Variants in SP7 observed in about 807,000 individuals in gnomAD.
SP7 encodes transcription factor Sp7.
A neutral mutation model predicts 27.9 loss-of-function variants in SP7; 13 were observed. The ratio of observed to expected loss-of-function variants is 0.47; its 90% CI spans 0.30 to 0.74. SP7 has a LOEUF of 0.74. SP7 is among the 30% of genes least tolerant of loss of function. The pLI, the probability that SP7 is intolerant of heterozygous loss-of-function variation, is 0.06. For synonymous variants in SP7, 219 were observed against 226.7 expected (o/e 0.97, Z 0.31); for missense variants, 525 against 558.0 (o/e 0.94, Z 0.60).
intron 2 of SP7, among the ~76,000 whole-genome samples, chr12:53,334,312 G>A (rs1296248786): frequency 1.4e-5 from 2 of 147,098 alleles, no homozygotes; most frequent in Admixed American, 6.9e-5. Context: ...TGGACTCACA[G>A]CACTCAGATG....
At position 53,328,987 on chromosome 12, in the gene SP7, C is replaced by A. The variant is rs978781196; in HGVS notation, c.455G>T (p.Gly152Val). The A allele has an allele frequency of 1.2e-6, 2 of 1,613,128 alleles. No individual in the cohort carries two copies. Among genetic ancestry groups the A allele is most frequent in the Non-Finnish European group, 1.7e-6 (2 of 1,179,482 alleles). Reference sequence around the variant, plus strand: ...ATCCCACCATGGAGTAGGAGTGTTGCCTGGGCCTGGTGAAATGCCTGCATG... The same window carrying A: ...ATCCCACCATGGAGTAGGAGTGTTGACTGGGCCTGGTGAAATGCCTGCATG... ...GIHAGISPGPGNTPTPWWDMH... is the reference protein window; with the variant it reads ...GIHAGISPGPVNTPTPWWDMH... The change falls in exon 3 of 3, where the codon GGC (glycine) becomes GTC (valine). Residue 152 changes from glycine (G) to valine (V), a missense_variant. Transcript: ENST00000536324. This position sits in a 1 kb window ranked among gnomAD's most constrained non-coding sequence, Gnocchi z 5.1.
rs772101518 is a variant in SP7, at chr12:53,328,276, T to C, written c.1166A>G (p.Lys389Arg). 5.4e-5 allele frequency: 87 copies of C among 1,611,254 alleles called. No homozygotes were observed. The highest frequency in any genetic ancestry group is 1.3e-4 in the Admixed American group (8 of 59,776). The change falls in exon 3 of 3, where the codon AAG (lysine) becomes AGG (arginine). Residue 389 changes from lysine to arginine, a missense_variant. Transcript: ENST00000536324. This position sits in a 1 kb window ranked among gnomAD's most constrained non-coding sequence, Gnocchi z 5.1. ...CGTGCTGCGGCCCTCCCCCAGCTCCTTGGGGCCACTGGGAGGGGGACCCGG... is the reference window on the plus strand; with the variant it reads ...CGTGCTGCGGCCCTCCCCCAGCTCCCTGGGGCCACTGGGAGGGGGACCCGG... The part of the protein sequence containing the change: ...PGPGPPPSGP[K>R]ELGEGRSTGE...
At chr12:53,339,511 A>C (rs1944803733), upstream of SP7, among the ~76,000 whole-genome samples, 1 of 151,448 alleles carries the variant, frequency 6.6e-6, no homozygotes, top group Admixed American at 6.6e-5. Context: ...GGATCACCTG[A>C]GGTCAGGAGT....
chr12:53,338,382 C>CA (rs1214755627), upstream of SP7, among the ~76,000 whole-genome samples: 1 of 152,068 alleles, frequency 6.6e-6, no homozygotes, highest in East Asian at 1.9e-4. Context: ...CCTGTATCAC[C>CA]AGCAGAAAAG....
chr12:53,339,189 C>T (rs1218751520), upstream of SP7, among the ~76,000 whole-genome samples: 3 of 152,184 alleles, frequency 2.0e-5, no homozygotes, highest in African/African-American at 7.2e-5. Flanking sequence ...CCGCCCATGG[C>T]CACCCAGACG....
chr12:53,330,205 C>T (rs1944688440), intron 2 of SP7, among the ~76,000 whole-genome samples: 1 of 152,130 alleles, frequency 6.6e-6, no homozygotes, highest in Non-Finnish European at 1.5e-5. Context: ...CACGCCACCA[C>T]ATTGAGCTAT....
rs1565790196 is a variant in SP7, at chr12:53,328,874, G to C, written c.568C>G (p.Pro190Ala). Residue 190 changes from proline (P) to alanine (A), a missense_variant, in exon 3 of 3, where the codon CCA (proline) becomes GCA (alanine). Physicochemically the swap from Pro to Ala is conservative, Grantham distance 27 (BLOSUM62 -1). Coordinates refer to ENST00000536324, the MANE Select transcript of SP7 (RefSeq NM_001173467.3). The surrounding 1 kb of genome is among the most constrained non-coding windows in gnomAD (Gnocchi z 5.1). ...GTLPTGPAQPPLNPQLPTYPS... is the reference protein window; with the variant it reads ...GTLPTGPAQPALNPQLPTYPS... ...TAGGTGGGCAGCTGGGGGTTCAGTGGAGGCTGAGCTGGACCTGTGGGCAGT... is the reference window on the plus strand; with the variant it reads ...TAGGTGGGCAGCTGGGGGTTCAGTGCAGGCTGAGCTGGACCTGTGGGCAGT... 1.2e-6 allele frequency: 2 copies of C among 1,607,814 alleles called. No homozygotes were observed. Among genetic ancestry groups the C allele is most frequent in the Admixed American group, 1.7e-5 (1 of 59,840 alleles).
At chr12:53,341,465 G>A (rs1944821987) in intron 1 of SP7, among the ~76,000 whole-genome samples, 1 of 152,166 alleles carries the variant, frequency 6.6e-6, no homozygotes, top group Admixed American at 6.5e-5. Flanking sequence ...TCTAAAATGG[G>A]ACAACATTGA....
chr12:53,332,212 G>C (rs1944713515), intron 2 of SP7, among the ~76,000 whole-genome samples: 1 of 152,122 alleles, frequency 6.6e-6, no homozygotes, highest in African/African-American at 2.4e-5. Context: ...CCAGAGATAT[G>C]GGGCACAAAG....
At chr12:53,330,237 C>T (rs560009916) in intron 2 of SP7, among the ~76,000 whole-genome samples, 6 of 152,032 alleles carry the variant, frequency 3.9e-5, no homozygotes, top group Non-Finnish European at 8.8e-5. Flanking sequence ...AGTACAGACG[C>T]AGTTTCACCA....
rs1944845358 is a variant in SP7 at position 53,344,344 on chromosome 12, C to T, written c.-34+770G>A. On this transcript the variant is annotated intron_variant, in intron 1 of 1. Coordinates refer to the SP7 transcript ENST00000547755. The surrounding 1 kb of genome is among the most constrained non-coding windows in gnomAD (Gnocchi z 4.6). ...AGAACCCCCGCCTCTGCCCTCTGCC[C>T]CAATCCCTCCTGAACTATTTCCTTT... 6.6e-6 allele frequency among the ~76,000 whole-genome samples: 1 copy of T among 152,064 alleles called. No individual in the cohort carries two copies. Among genetic ancestry groups the T allele is most frequent in the African/African-American group, 2.4e-5 (1 of 41,400 alleles).
intron 2 of SP7, among the ~76,000 whole-genome samples, chr12:53,333,507 C>T (rs1035429918): frequency 6.6e-6 from 1 of 152,160 alleles, no homozygotes; most frequent in Non-Finnish European, 1.5e-5. Context: ...GGCCTCCCAG[C>T]GGAAGTGCTC....
intron 2 of SP7, among the ~76,000 whole-genome samples, chr12:53,329,747 T>C (rs1213822651): frequency 1.3e-5 from 2 of 152,000 alleles, no homozygotes; most frequent in Non-Finnish European, 2.9e-5. Flanking sequence ...TTCTTTTTTT[T>C]TGAGATGGAG....
chr12:53,328,433 G>C lies in SP7; in HGVS notation c.1009C>G (p.Arg337Gly). ...ACATGACGCTCCAGCTCATCCGAACGAGTGAACCTCTTGCCGCAGAAGAGC... is the reference window on the plus strand; with the variant it reads ...ACATGACGCTCCAGCTCATCCGAACCAGTGAACCTCTTGCCGCAGAAGAGC... ...NWLFCGKRFT[R>G]SDELERHVRT... Residue 337 changes from arginine to glycine, a missense_variant, in exon 3 of 3, where the codon CGT becomes GGT. Transcript: ENST00000536324. The surrounding 1 kb of genome is among the most constrained non-coding windows in gnomAD (Gnocchi z 5.1). 1 of 1,613,938 alleles carries C rather than the reference G, an allele frequency of 6.2e-7. No individual in the cohort carries two copies. Among genetic ancestry groups the C allele is most frequent in the South Asian group, 1.1e-5 (1 of 91,086 alleles).
Position 53,329,104 on chromosome 12 carries a change from G to A in SP7, c.338C>T (p.Pro113Leu), listed in dbSNP as rs1408820759. 6.2e-7 allele frequency: 1 copy of A among 1,613,862 alleles called. No individual in the cohort carries two copies. Among genetic ancestry groups the A allele is most frequent in the Admixed American group, 1.7e-5 (1 of 60,022 alleles). The change falls in exon 3 of 3, where the codon CCC becomes CTC. Residue 113 changes from proline to leucine, a missense_variant. Transcript: ENST00000536324. The stretch of plus-strand genomic sequence containing the variant: ...ACAGTCAGAAGAGCTGTGCCCCTTG[G>A]GCACTAGTAGCCCAGGGTCCTGGGT... ...TGTQDPGLLV[P>L]KGHSSSDCLP...
chr12:53,328,724 G>A lies in SP7; in HGVS notation c.718C>T (p.Leu240=). 1.9e-6 allele frequency: 3 copies of A among 1,606,450 alleles called. No homozygotes were observed. Among genetic ancestry groups the A allele is most frequent in the Non-Finnish European group, 2.6e-6 (3 of 1,174,434 alleles). ...KPKAVGNSGQ[L]EGSGGAKPPR... Reference sequence around the variant, plus strand: ...GGTTTGGCTCCACCACTCCCTTCTAGCTGCCCACTATTTCCCACTGCCTTG... The same window carrying A: ...GGTTTGGCTCCACCACTCCCTTCTAACTGCCCACTATTTCCCACTGCCTTG... The change falls in exon 3 of 3, where the codon CTA becomes TTA. Residue 240 remains leucine (L), a synonymous_variant. Transcript: ENST00000536324. This position sits in a 1 kb window ranked among gnomAD's most constrained non-coding sequence, Gnocchi z 5.1.
chr12:53,342,893 CA>C (rs1565795793), intron 1 of SP7, among the ~76,000 whole-genome samples: 1 of 150,644 alleles, frequency 6.6e-6, no homozygotes, highest in African/African-American at 2.4e-5. Flanking sequence ...TTATAGGAGA[CA>C]AAAGAGTAAA....
chr12:53,329,302 G>A lies in SP7; in HGVS notation c.140C>T (p.Pro47Leu), dbSNP rs766360439. 9.3e-6 allele frequency: 15 copies of A among 1,613,788 alleles called. No individual in the cohort carries two copies. The highest frequency in any genetic ancestry group is 5.5e-5 in the South Asian group (5 of 91,088). The change falls in exon 3 of 3, where the codon CCG (proline) becomes CTG (leucine). Residue 47 changes from proline to leucine, a missense_variant. Physicochemically the swap from Pro to Leu is moderately conservative, Grantham distance 98 (BLOSUM62 -3). Coordinates refer to ENST00000536324, the MANE Select transcript of SP7 (RefSeq NM_001173467.3). ...TTLGKAGTKKPYSVGSDLSAS... is the reference protein window; with the variant it reads ...TTLGKAGTKKLYSVGSDLSAS... ...TGAAAGGTCACTGCCCACAGAGTAC[G>A]GCTTCTTTGTGCCTGCTTTGCCCAG...
Position 53,328,382 on chromosome 12 carries a change from A to T in SP7, c.1060T>A (p.Phe354Ile). Reference protein sequence around the residue: ...HVRTHTREKKFTCLLCSKRFT... With the variant: ...HVRTHTREKKITCLLCSKRFT... Reference sequence around the variant, plus strand: ...CGCTTGGAGCAGAGCAGGCAGGTGAACTTCTTCTCCCGGGTGTGAGTGCGC... The same window carrying T: ...CGCTTGGAGCAGAGCAGGCAGGTGATCTTCTTCTCCCGGGTGTGAGTGCGC... The change falls in exon 3 of 3, where the codon TTC (phenylalanine) becomes ATC (isoleucine). Residue 354 changes from phenylalanine to isoleucine, a missense_variant. Transcript: ENST00000536324. This position sits in a 1 kb window ranked among gnomAD's most constrained non-coding sequence, Gnocchi z 5.1. 4 of 1,613,628 alleles carry T rather than the reference A, an allele frequency of 2.5e-6. No individual in the cohort carries two copies. The Middle Eastern group carries it at 6.6e-4, about 266-fold the overall frequency.
Sources: allele counts gnomAD v4.1 joint callset (sites outside exome capture counted in the v4.1 genomes callset), GRCh38; gene constraint gnomAD v4.1.1; non-coding constraint Gnocchi (gnomAD v3.1); transcripts MANE v1.5; gene names NCBI Gene and HGNC (gene_info 2026-07-23, HGNC 2026-07-21).